Variants in SGCZ observed in about 807,000 individuals in gnomAD.
SGCZ encodes zeta-sarcoglycan.
In SGCZ, 40 loss-of-function variants were observed where a neutral mutation model predicts 41.3. The ratio of observed to expected loss-of-function variants is 0.97; its 90% CI spans 0.75 to 1.26. The LOEUF (loss-of-function observed/expected upper bound fraction) is 1.26. Ranked by LOEUF, SGCZ falls within the 50% of genes most tolerant of loss-of-function variation. The pLI is 0.00. For synonymous variants in SGCZ, 206 were observed against 137.5 expected (o/e 1.50, Z -3.49); for missense variants, 552 against 369.8 (o/e 1.49, Z -4.04).
chr8:14,100,331 T>A (rs1801975248), intron 7 of SGCZ, among the ~76,000 whole-genome samples: 1 of 151,230 alleles, frequency 6.6e-6, no homozygotes, highest in South Asian at 2.1e-4. Context: ...ATGATTCTTA[T>A]ATGGGGCAAA....
chr8:14,458,701 A>G (rs1403560251), intron 2 of SGCZ, among the ~76,000 whole-genome samples: 2 of 152,114 alleles, frequency 1.3e-5, no homozygotes, highest in African/African-American at 2.4e-5. Context: ...ATCTATCTAT[A>G]TATCTACCTA....
At chr8:15,237,252 G>GCCCA (rs1802157678) in intron 1 of SGCZ, among the ~76,000 whole-genome samples, 1 of 149,912 alleles carries the variant, frequency 6.7e-6, no homozygotes, top group African/African-American at 2.5e-5. Context: ...TGGTGCCGCT[G>GCCCA]CCCCCCCCGG....
chr8:14,458,052 C>T (rs1425187966), intron 2 of SGCZ, among the ~76,000 whole-genome samples: 1 of 152,122 alleles, frequency 6.6e-6, no homozygotes, highest in Non-Finnish European at 1.5e-5. Context: ...AACCTCCTTT[C>T]TTCTAAACTA....
chr8:14,274,194 A>C (rs1049471009), intron 3 of SGCZ, among the ~76,000 whole-genome samples: 2 of 152,126 alleles, frequency 1.3e-5, no homozygotes, highest in Admixed American at 1.3e-4. Context: ...AACGGTAATG[A>C]AGTAAATTGT....
At chr8:14,682,442 T>A (rs1312984957) in intron 1 of SGCZ, among the ~76,000 whole-genome samples, 1 of 151,282 alleles carries the variant, frequency 6.6e-6, no homozygotes, top group African/African-American at 2.4e-5. Flanking sequence ...TGCAATTTTT[T>A]TTTTTTTTTT....
intron 1 of SGCZ, among the ~76,000 whole-genome samples, chr8:14,925,775 G>C (rs1478802218): frequency 6.6e-6 from 1 of 152,106 alleles, no homozygotes. Flanking sequence ...ACAGGAAAAG[G>C]ACAGACAATC....
chr8:15,000,190 C>A (rs1585456157), intron 1 of SGCZ, among the ~76,000 whole-genome samples: 1 of 152,206 alleles, frequency 6.6e-6, no homozygotes, highest in East Asian at 1.9e-4. Context: ...AGGAGAGAGT[C>A]CTGTAGGAAA....
intron 5 of SGCZ, among the ~76,000 whole-genome samples, chr8:14,126,759 G>A (rs1490606456): frequency 6.6e-6 from 1 of 152,142 alleles, no homozygotes; most frequent in Non-Finnish European, 1.5e-5. Flanking sequence ...CATCAACTGG[G>A]TAAAGAAAAT....
chr8:14,267,397 G>A (rs1437312894), intron 3 of SGCZ, among the ~76,000 whole-genome samples: 2 of 152,044 alleles, frequency 1.3e-5, no homozygotes, highest in Non-Finnish European at 2.9e-5. Flanking sequence ...GCCTACTAGT[G>A]CCACTGCTGT....
At chr8:14,805,873 A>C (rs1418594726) in intron 1 of SGCZ, among the ~76,000 whole-genome samples, 1 of 151,164 alleles carries the variant, frequency 6.6e-6, no homozygotes, top group African/African-American at 2.4e-5. Context: ...AAATTATAAC[A>C]AACTATCTCT....
At chr8:14,472,248 T>G (rs1250616176) in intron 2 of SGCZ, among the ~76,000 whole-genome samples, 1 of 152,114 alleles carries the variant, frequency 6.6e-6, no homozygotes, top group Non-Finnish European at 1.5e-5. Flanking sequence ...ACATGAATCT[T>G]GTTTAATATC....
chr8:14,874,606 A>G (rs1356921402), intron 1 of SGCZ, among the ~76,000 whole-genome samples: 1 of 152,170 alleles, frequency 6.6e-6, no homozygotes, highest in Non-Finnish European at 1.5e-5. Context: ...TATAAAATTC[A>G]AATTCAACTT....
chr8:14,515,572 T>TC (rs1174027368), intron 2 of SGCZ, among the ~76,000 whole-genome samples: 1 of 149,718 alleles, frequency 6.7e-6, no homozygotes, highest in African/African-American at 2.5e-5. Context: ...GTTAATACTT[T>TC]TTAGTTTATT....
chr8:14,780,772 C>T (rs1800565230), intron 1 of SGCZ, among the ~76,000 whole-genome samples: 1 of 152,050 alleles, frequency 6.6e-6, no homozygotes, highest in Non-Finnish European at 1.5e-5. Flanking sequence ...ATATTTTTAT[C>T]CACTCTGTTT....
At chr8:14,891,773 T>C (rs961167713) in intron 1 of SGCZ, among the ~76,000 whole-genome samples, 5 of 152,200 alleles carry the variant, frequency 3.3e-5, no homozygotes, top group African/African-American at 1.2e-4. Flanking sequence ...TATTGTCTTA[T>C]TTTAAGCCGT....
At chr8:14,128,158 A>G (rs1219760293) in intron 5 of SGCZ, among the ~76,000 whole-genome samples, 3 of 152,210 alleles carry the variant, frequency 2.0e-5, no homozygotes, top group East Asian at 3.9e-4. Flanking sequence ...TATTTCAACC[A>G]TTGTGGAAGA....
At chr8:14,738,128 T>A (rs901794743) in intron 1 of SGCZ, among the ~76,000 whole-genome samples, 8 of 152,286 alleles carry the variant, frequency 5.3e-5, no homozygotes, top group Admixed American at 1.3e-4. Context: ...ATCTTCTAGA[T>A]GAAAGTGATC....
intron 2 of SGCZ, among the ~76,000 whole-genome samples, chr8:14,439,253 T>C (rs560521216): frequency 6.6e-6 from 1 of 151,060 alleles, no homozygotes; most frequent in African/African-American, 2.4e-5. Flanking sequence ...TTAGGAGTTT[T>C]TGGCTTGGTA....
chr8:14,627,375 C>A (rs1025973284), intron 1 of SGCZ, among the ~76,000 whole-genome samples: 4 of 152,070 alleles, frequency 2.6e-5, no homozygotes, highest in Non-Finnish European at 5.9e-5. Context: ...TATATAGAAT[C>A]CAGGTTGAGA....
Sources: gnomAD v4.1 joint callset for allele counts (sites outside exome capture counted in the v4.1 genomes callset) on GRCh38, gnomAD v4.1.1 for gene constraint, MANE v1.5 for transcripts, NCBI Gene and HGNC (gene_info 2026-07-23, HGNC 2026-07-21) for gene names.